The following MGAT4C variants were observed in gnomAD, a reference collection of about 807,000 sequenced individuals.
MGAT4C encodes the protein alpha-1,3-mannosyl-glycoprotein 4-beta-N-acetylglucosaminyltransferase C.
Under a neutral mutation model 40.1 loss-of-function variants are expected in MGAT4C, and 19 were observed. That is an observed-to-expected ratio of 0.47 (90% CI 0.33 to 0.70). The LOEUF (loss-of-function observed/expected upper bound fraction) is 0.70, where lower values mean the gene tolerates loss of function less well. Among genes scored for constraint, MGAT4C ranks in the 30% least tolerant of loss-of-function variants. The pLI is 0.02. For synonymous variants in MGAT4C, 181 were observed against 187.1 expected, an observed-to-expected ratio of 0.97 and a Z score of 0.27; for missense variants, 491 against 563.2, an observed-to-expected ratio of 0.87 and a Z score of 1.30.
chr12:85,984,376 T>TTGTG (rs546269888), intron 3 of MGAT4C, among the ~76,000 whole-genome samples: 39 of 150,018 alleles, frequency 2.6e-4, no homozygotes, highest in African/African-American at 9.5e-4. Context: ...ATAGTTAAGT[T>TTGTG]TGTGTGTGTG....
At chr12:85,996,409 A>G (rs1408208619) in intron 2 of MGAT4C, among the ~76,000 whole-genome samples, 1 of 152,218 alleles carries the variant, frequency 6.6e-6, no homozygotes, top group Non-Finnish European at 1.5e-5. Context: ...CAAATAAAGC[A>G]CAGAGAGAGG....
At chr12:86,737,567 G>A (rs200379176) in intron 1 of MGAT4C, among the ~76,000 whole-genome samples, 50 of 151,082 alleles carry the variant, frequency 3.3e-4, no homozygotes, top group African/African-American at 1.2e-3. Context: ...TGCCAGTACC[G>A]ATGCCTTTCA....
intron 1 of MGAT4C, among the ~76,000 whole-genome samples, chr12:86,747,600 G>A (rs765006620): frequency 6.6e-6 from 1 of 151,652 alleles, no homozygotes; most frequent in African/African-American, 2.4e-5. Context: ...TTAGGGCAAT[G>A]ATCTTTTTCT....
At chr12:86,638,728 G>T (rs1205410667) in intron 2 of MGAT4C, among the ~76,000 whole-genome samples, 1 of 151,720 alleles carries the variant, frequency 6.6e-6, no homozygotes, top group Non-Finnish European at 1.5e-5. Context: ...CCAAAGGTGA[G>T]CATGAACAAT....
At chr12:86,515,288 C>T (rs1958662994) in intron 2 of MGAT4C, among the ~76,000 whole-genome samples, 1 of 152,092 alleles carries the variant, frequency 6.6e-6, no homozygotes, top group Admixed American at 6.6e-5. Context: ...GAAATTCTAG[C>T]CAGAGCCACT....
intron 3 of MGAT4C, among the ~76,000 whole-genome samples, chr12:86,357,886 C>A (rs1348894264): frequency 1.3e-5 from 2 of 152,134 alleles, no homozygotes; most frequent in Non-Finnish European, 2.9e-5. Context: ...GAGAATGGAA[C>A]CAAGTTGGAA....
intron 2 of MGAT4C, among the ~76,000 whole-genome samples, chr12:86,494,185 A>G (rs910392390): frequency 4.6e-5 from 7 of 152,014 alleles, no homozygotes; most frequent in African/African-American, 1.7e-4. Context: ...AAAGCTTGCA[A>G]TTTTCCATTC....
intron 4 of MGAT4C, among the ~76,000 whole-genome samples, chr12:86,262,750 C>T (rs1289046021): frequency 6.6e-6 from 1 of 152,018 alleles, no homozygotes; most frequent in African/African-American, 2.4e-5. Flanking sequence ...TAATTTTAAA[C>T]ATCACTTGTA....
intron 1 of MGAT4C, among the ~76,000 whole-genome samples, chr12:86,226,328 A>G (rs1005299766): frequency 1.3e-5 from 2 of 151,954 alleles, no homozygotes; most frequent in Admixed American, 6.6e-5. Flanking sequence ...GTATATTTAA[A>G]AAGTATGAAA....
intron 2 of MGAT4C, among the ~76,000 whole-genome samples, chr12:86,541,686 G>C (rs902529516): frequency 6.6e-6 from 1 of 152,106 alleles, no homozygotes; most frequent in Non-Finnish European, 1.5e-5. Context: ...ATGTTACTTA[G>C]TCTAAAGCTA....
At chr12:86,705,526 A>T (rs1246448359) in intron 2 of MGAT4C, among the ~76,000 whole-genome samples, 1 of 152,060 alleles carries the variant, frequency 6.6e-6, no homozygotes. Flanking sequence ...AAAAAAATGG[A>T]TCCCAGGTAA....
At chr12:86,276,178 T>G (rs866565914) in intron 4 of MGAT4C, among the ~76,000 whole-genome samples, 1 of 151,968 alleles carries the variant, frequency 6.6e-6, no homozygotes, top group African/African-American at 2.4e-5. Flanking sequence ...TGTAGTGATT[T>G]TTTTACAAGT....
intron 3 of MGAT4C, among the ~76,000 whole-genome samples, chr12:86,382,606 G>T (rs1227727696): frequency 3.3e-5 from 5 of 152,198 alleles, no homozygotes; most frequent in Admixed American, 2.0e-4. Context: ...TTCAATGGCA[G>T]CCCCTCCCTT....
chr12:86,630,596 A>G lies in MGAT4C; in HGVS notation c.-229+96613T>C, dbSNP rs182548805. Among the ~76,000 whole-genome samples the G allele has an allele frequency of 3.1e-3, 475 of 152,324 alleles. 1 individual carries two copies. The highest frequency in any genetic ancestry group is 0.011 in the African/African-American group (459 of 41,578). ...ATCCCTGGGATGCAAGGCTGGTTCAACATATGCAAATCAATAAAAGTAAAC... is the reference window on the plus strand; with the variant it reads ...ATCCCTGGGATGCAAGGCTGGTTCAGCATATGCAAATCAATAAAAGTAAAC... On this transcript the variant is annotated intron_variant, in intron 2 of 7. Coordinates refer to the MGAT4C transcript ENST00000548651.
rs547730108 is a variant in MGAT4C at position 86,470,736 on chromosome 12, T to C, written c.-228-35471A>G. On this transcript the variant is annotated intron_variant, in intron 2 of 7. Coordinates refer to the MGAT4C transcript ENST00000548651. ...GTGTATCTTTTAGTTTTACAGCATGTATTGTCATAGTTATTATTGTAATCA... is the reference window on the plus strand; with the variant it reads ...GTGTATCTTTTAGTTTTACAGCATGCATTGTCATAGTTATTATTGTAATCA... Among the ~76,000 whole-genome samples, 31 of 152,292 alleles carry C rather than the reference T, an allele frequency of 2.0e-4. No homozygotes were observed. In the South Asian group the frequency reaches 3.5e-3, roughly 17 times the overall value.
intron 1 of MGAT4C, among the ~76,000 whole-genome samples, chr12:86,082,719 T>C (rs10779235): frequency 0.14 from 21,817 of 152,104 alleles, 3,744 homozygotes; most frequent in African/African-American, 0.41. Flanking sequence ...ACATTTCTAT[T>C]GGGGTTTATT....
chr12:86,793,679 C>A (rs1215264194), intron 1 of MGAT4C, among the ~76,000 whole-genome samples: 1 of 151,808 alleles, frequency 6.6e-6, no homozygotes, highest in Non-Finnish European at 1.5e-5. Flanking sequence ...ATATTTGTTT[C>A]TATATAGCAT....
rs766494098 is a variant in MGAT4C at position 86,345,245 on chromosome 12, CTTAT to C, written c.-119-11122_-119-11119del. 1.7e-4 allele frequency among the ~76,000 whole-genome samples: 26 copies of C among 151,600 alleles called. 1 individual carries two copies. The highest frequency in any genetic ancestry group is 9.7e-4 in the East Asian group (5 of 5,162). ...TTTGCTTATTTTTTATGCTCACTTT[CTTAT>C]TTATTTATTTATTTTTATTTTATTT... On this transcript the variant is annotated intron_variant, in intron 3 of 7. Transcript: ENST00000548651.
At chr12:86,045,121 A>T (rs1326297287) in intron 2 of MGAT4C, among the ~76,000 whole-genome samples, 2 of 152,066 alleles carry the variant, frequency 1.3e-5, no homozygotes, top group Admixed American at 6.5e-5. Flanking sequence ...CCCTCTGAAG[A>T]TCTGCTCATA....
Sources: allele counts gnomAD v4.1 joint callset (sites outside exome capture counted in the v4.1 genomes callset), GRCh38; gene constraint gnomAD v4.1.1; transcripts MANE v1.5; gene names NCBI Gene and HGNC (gene_info 2026-07-23, HGNC 2026-07-21).